Variants in TUSC3 observed in about 807,000 individuals in gnomAD.
TUSC3 encodes the protein tumor suppressor candidate 3, also known as dolichyl-diphosphooligosaccharide--protein glycosyltransferase subunit TUSC3.
In TUSC3, 45 loss-of-function variants were observed where a neutral mutation model predicts 44.8. That is an observed-to-expected ratio of 1.00 (90% CI 0.79 to 1.29). The LOEUF (loss-of-function observed/expected upper bound fraction) is 1.29, where lower values mean the gene tolerates loss of function less well. Ranked by LOEUF, TUSC3 falls within the 50% of genes most tolerant of loss-of-function variation. TUSC3 has a pLI of 0.00. For missense variants in TUSC3, 519 were observed against 437.9 expected (o/e 1.19, Z -1.65); for synonymous variants, 212 against 152.9 (o/e 1.39, Z -2.85).
At chr8:15,587,833 T>C (rs968922368) in intron 1 of TUSC3, among the ~76,000 whole-genome samples, 1 of 152,162 alleles carries the variant, frequency 6.6e-6, no homozygotes, top group East Asian at 1.9e-4. Flanking sequence ...CTTTCTGTGC[T>C]TGAGTTTTTA....
chr8:15,764,281 A>G lies in TUSC3; in HGVS notation c.*125A>G. ...GAAGATAAACTGTTCCTGACTTTAT[A>G]CTATTTTGAATTCATTCATTTCATT... is the stretch of plus-strand genomic sequence containing the variant. On this transcript the variant is annotated 3_prime_UTR_variant, in exon 11 of 11. Coordinates refer to ENST00000503731, the MANE Select transcript of TUSC3 (RefSeq NM_006765.4). 2.0e-6 allele frequency: 3 copies of G among 1,537,900 alleles called. No homozygotes were observed. Among genetic ancestry groups the G allele is most frequent in the South Asian group, 1.1e-5 (1 of 88,386 alleles).
intron 6 of TUSC3, among the ~76,000 whole-genome samples, chr8:15,715,052 T>G (rs1810004032): frequency 6.6e-6 from 1 of 152,172 alleles, no homozygotes; most frequent in African/African-American, 2.4e-5. Context: ...TTACTTAACC[T>G]TTTCTGTAAA....
At chr8:15,425,171 A>C (rs1490532165) in intron 1 of TUSC3, among the ~76,000 whole-genome samples, 2 of 152,294 alleles carry the variant, frequency 1.3e-5, no homozygotes, top group East Asian at 3.9e-4. Context: ...AGGGGATGGG[A>C]GATTAAATGA....
At chr8:15,439,006 A>G (rs1032099125) in intron 1 of TUSC3, among the ~76,000 whole-genome samples, 2 of 152,156 alleles carry the variant, frequency 1.3e-5, no homozygotes, top group Admixed American at 1.3e-4. Flanking sequence ...GAGGCAATCT[A>G]TACCCTCTGA....
downstream of TUSC3, among the ~76,000 whole-genome samples, chr8:15,770,313 A>C (rs1171154625): frequency 6.6e-6 from 1 of 152,158 alleles, no homozygotes; most frequent in African/African-American, 2.4e-5. Flanking sequence ...CAGGAACAGA[A>C]AACCAAACAC....
At chr8:15,500,300 G>A (rs13271637) in intron 2 of TUSC3, among the ~76,000 whole-genome samples, 36,882 of 152,050 alleles carry the variant, frequency 0.24, 4,863 homozygotes, top group Non-Finnish European at 0.3. Flanking sequence ...GTTTTGTTCC[G>A]TATCTAATGC....
intron 1 of TUSC3, among the ~76,000 whole-genome samples, chr8:15,425,644 G>A (rs147464662): frequency 0.014 from 2,060 of 152,298 alleles, 23 homozygotes; most frequent in Non-Finnish European, 0.02. Context: ...TGAAGTTAGA[G>A]AGGCAGTATG....
At chr8:15,630,747 A>T (rs560492583) in intron 2 of TUSC3, among the ~76,000 whole-genome samples, 2 of 152,144 alleles carry the variant, frequency 1.3e-5, no homozygotes, top group African/African-American at 2.4e-5. Flanking sequence ...AGCATATCCT[A>T]AACTTGTATG....
intron 1 of TUSC3, among the ~76,000 whole-genome samples, chr8:15,433,346 T>C (rs912120047): frequency 3.9e-5 from 6 of 152,194 alleles, no homozygotes; most frequent in African/African-American, 1.4e-4. Context: ...ATATGTCTCT[T>C]AATTTTTTAA....
the TUSC3 span, among the ~76,000 whole-genome samples, chr8:15,777,265 C>G: frequency 8.0e-3 from 1,214 of 152,212 alleles, 22 homozygotes; most frequent in African/African-American, 0.027. Flanking sequence ...GTAACTTCCC[C>G]CCCACCTTTT....
At chr8:15,521,516 C>T (rs1440887513) in intron 2 of TUSC3, among the ~76,000 whole-genome samples, 1 of 152,148 alleles carries the variant, frequency 6.6e-6, no homozygotes, top group Non-Finnish European at 1.5e-5. Context: ...ATGATCCCAT[C>T]CAGGGTGACC....
intron 5 of TUSC3, among the ~76,000 whole-genome samples, chr8:15,663,128 A>G (rs1807499590): frequency 6.6e-6 from 1 of 151,886 alleles, no homozygotes; most frequent in Admixed American, 6.6e-5. Flanking sequence ...ATTGAAAATA[A>G]AATCTCTTTC....
chr8:15,682,661 A>G (rs1480397961), intron 6 of TUSC3, among the ~76,000 whole-genome samples: 1 of 152,154 alleles, frequency 6.6e-6, no homozygotes, highest in Admixed American at 6.6e-5. Context: ...TAATATTGAT[A>G]TGTGAAGTTT....
At chr8:15,533,842 C>T (rs1322161082) in intron 2 of TUSC3, among the ~76,000 whole-genome samples, 1 of 152,052 alleles carries the variant, frequency 6.6e-6, no homozygotes, top group African/African-American at 2.4e-5. Context: ...GGGCTGACAT[C>T]TCTCCAGTCA....
intron 2 of TUSC3, among the ~76,000 whole-genome samples, chr8:15,649,075 T>C (rs1284589092): frequency 1.3e-5 from 2 of 152,210 alleles, no homozygotes; most frequent in Non-Finnish European, 1.5e-5. Context: ...AAATACAATA[T>C]CTTTTCTGAC....
the TUSC3 span, among the ~76,000 whole-genome samples, chr8:15,815,520 G>A: frequency 6.6e-6 from 1 of 152,112 alleles, no homozygotes; most frequent in South Asian, 2.1e-4. Context: ...TAAAGCTCAA[G>A]CCAAAACAAT....
At position 15,658,670 on chromosome 8, in the gene TUSC3, T is replaced by C. The variant is rs185329289; in HGVS notation, c.427-837T>C. On this transcript the variant is annotated intron_variant, in intron 3 of 10. Transcript: ENST00000503731. ...CACACACACACACACAAATACAATA[T>C]ATATACACATACAATATATATACAC... Among the ~76,000 whole-genome samples the C allele has an allele frequency of 2.6e-3, 359 of 139,668 alleles. 3 individuals carry two copies. Among genetic ancestry groups the C allele is most frequent in the African/African-American group, 0.01 (345 of 34,494 alleles). 91.6% of individuals were successfully genotyped at this position (139,668 alleles called of 152,430 possible). A position where few individuals can be genotyped will look rare whatever the true frequency, so the allele number is the denominator to read the frequency against.
At chr8:15,504,447 C>G (rs1801016365) in intron 2 of TUSC3, among the ~76,000 whole-genome samples, 1 of 151,514 alleles carries the variant, frequency 6.6e-6, no homozygotes. Context: ...TAGTTACCAT[C>G]ATTATCATTA....
chr8:15,510,497 T>C (rs1473501033), intron 2 of TUSC3, among the ~76,000 whole-genome samples: 1 of 152,098 alleles, frequency 6.6e-6, no homozygotes, highest in East Asian at 1.9e-4. Flanking sequence ...TTATGTGAAA[T>C]ACACAAATAC....
Sources: gnomAD v4.1 joint callset for allele counts (sites outside exome capture counted in the v4.1 genomes callset) on GRCh38, gnomAD v4.1.1 for gene constraint, MANE v1.5 for transcripts, NCBI Gene and HGNC (gene_info 2026-07-23, HGNC 2026-07-21) for gene names.